The following AK6 variants were observed in gnomAD, a reference collection of about 807,000 sequenced individuals.
The protein encoded by AK6 is adenylate kinase 6.
Under a neutral mutation model 23.7 loss-of-function variants are expected in AK6, and 24 were observed. That is an observed-to-expected ratio of 1.01 (90% confidence interval 0.73 to 1.43). AK6 has a LOEUF of 1.43. Ranked by LOEUF, AK6 falls within the 40% of genes most tolerant of loss-of-function variation. The pLI, the probability that AK6 is intolerant of heterozygous loss-of-function variation, is 0.00. For missense variants in AK6, 191 were observed against 199.1 expected, an observed-to-expected ratio of 0.96 and a Z score of 0.24; for synonymous variants, 73 against 69.8, an observed-to-expected ratio of 1.05 and a Z score of -0.23.
In AK6 at chr5:69,354,330, G is replaced by C. The variant is rs1762026957; in HGVS notation, c.326+1319C>G. ...TTTTCACTGCCTAAAAAAGATAAAA[G>C]TTTTAGGTTTAGCCCCAATTTAACT... On this transcript the variant is annotated intron_variant, in intron 4 of 4. Transcript: ENST00000380822. 3.9e-5 allele frequency among the ~76,000 whole-genome samples: 6 copies of C among 152,004 alleles called. No individual in the cohort carries two copies. The South Asian group carries it at 1.2e-3, about 32-fold the overall frequency.
At chr5:69,366,666 T>C (rs1762439830) in intron 1 of AK6, 71 bp from the exon 2 acceptor site, 1 of 1,118,134 alleles carries the variant, frequency 8.9e-7, no homozygotes, top group Non-Finnish European at 1.4e-6. Flanking sequence ...ACCTTCTGCC[T>C]TTCCTTTTAT....
chr5:69,365,204 A>G (rs772321332), intron 2 of AK6: 1 of 1,614,190 alleles, frequency 6.2e-7, no homozygotes, highest in South Asian at 1.1e-5. Flanking sequence ...GGGACATGGG[A>G]GTCCCTACTT....
chr5:69,366,370 T>A (rs1762425418), intron 2 of AK6, 133 bp downstream of exon 2: 1 of 662,348 alleles, frequency 1.5e-6, no homozygotes, highest in South Asian at 2.0e-5. Flanking sequence ...TTCTGTGGAT[T>A]CCCTAACAGA....
At chr5:69,364,997 T>C (rs1486443900) in intron 2 of AK6, 2 of 1,613,836 alleles carry the variant, frequency 1.2e-6, no homozygotes, top group Non-Finnish European at 1.7e-6. Flanking sequence ...CATCTTCACG[T>C]TTTCTTTTCA....
At chr5:69,356,821 G>C (rs948503436) in intron 2 of AK6, among the ~76,000 whole-genome samples, 1 of 152,134 alleles carries the variant, frequency 6.6e-6, no homozygotes, top group Non-Finnish European at 1.5e-5. Flanking sequence ...CCTCATAAGA[G>C]TTAAATAGTC....
intron 4 of AK6, among the ~76,000 whole-genome samples, chr5:69,355,299 T>G (rs1762053286): frequency 6.6e-6 from 1 of 152,104 alleles, no homozygotes; most frequent in Admixed American, 6.6e-5. Flanking sequence ...TTTGGGAGGC[T>G]GAGGTGGGCA....
rs750248676 is a variant in AK6 at position 69,366,549 on chromosome 5, T to C, written c.75A>G (p.Ser25=). ...CATTAATGTATTTCAGTCCTGATTTTGACGCAAGTTCTTTGCCTAGTGTGG... is the reference window on the plus strand; with the variant it reads ...CATTAATGTATTTCAGTCCTGATTTCGACGCAAGTTCTTTGCCTAGTGTGG... ...GKTTLGKELA[S]KSGLKYINVG... is the part of the protein sequence containing the mutation. The change falls in exon 2 of 5, where the codon TCA becomes TCG. Residue 25 remains serine, a synonymous_variant. Coordinates refer to ENST00000380822, the MANE Select transcript of AK6 (RefSeq NM_016283.5). 2.5e-6 allele frequency: 4 copies of C among 1,614,146 alleles called. No homozygotes were observed. Among genetic ancestry groups the C allele is most frequent in the Admixed American group, 1.7e-5 (1 of 60,024 alleles).
chr5:69,354,472 G>A (rs974730390), intron 4 of AK6, among the ~76,000 whole-genome samples: 1 of 152,150 alleles, frequency 6.6e-6, no homozygotes, highest in Non-Finnish European at 1.5e-5. Flanking sequence ...TTCTGACCCC[G>A]ACCTTAAGCA....
Position 69,355,925 on chromosome 5 carries a change from C to A in AK6, c.150G>T (p.Glu50Asp). ...EEQLYDGYDE[E>D]YDCPILDEDR... The stretch of plus-strand genomic sequence containing the variant: ...CTTCATCTAAAATGGGACAGTCATA[C>A]TCTTCATCATAGCCATCATACAATT... Residue 50 changes from glutamate (E) to aspartate (D), a missense_variant, in exon 3 of 5, where the codon GAG (glutamate) becomes GAT (aspartate). Glu to Asp is a conservative substitution (Grantham distance 45). Transcript: ENST00000380822. The A allele has an allele frequency of 6.2e-7, 1 of 1,609,712 alleles. No individual in the cohort carries two copies. The highest frequency in any genetic ancestry group is 1.1e-5 in the South Asian group (1 of 89,698).
At position 69,368,169 on chromosome 5, in the gene AK6, AC is replaced by A. The variant is rs567373953; in HGVS notation, c.28+1293del. The stretch of plus-strand genomic sequence containing the variant: ...TTTGCATGTAAATGTACATATATGT[AC>A]ATACTCTTTGTTATATAAATACAAC... On this transcript the variant is annotated intron_variant, in intron 1 of 4. Coordinates refer to ENST00000380822, the MANE Select transcript of AK6 (RefSeq NM_016283.5). Among the ~76,000 whole-genome samples, 390 of 152,278 alleles carry A rather than the reference AC, an allele frequency of 2.6e-3. 1 individual carries two copies. The highest frequency in any genetic ancestry group is 2.7e-3 in the Non-Finnish European group (183 of 68,030).
intron 4 of AK6, among the ~76,000 whole-genome samples, chr5:69,354,078 C>A (rs560914281): frequency 2.0e-5 from 3 of 152,128 alleles, no homozygotes; most frequent in Non-Finnish European, 4.4e-5. Context: ...CTGCCTCCCC[C>A]TCACCACCCA....
chr5:69,358,604 G>A (rs181592488), intron 2 of AK6, among the ~76,000 whole-genome samples: 4 of 150,828 alleles, frequency 2.7e-5, no homozygotes, highest in Admixed American at 2.0e-4. Flanking sequence ...TAGGATTGAA[G>A]TCTTTATTTT....
chr5:69,362,480 G>C (rs1762266060), intron 2 of AK6, among the ~76,000 whole-genome samples: 1 of 152,188 alleles, frequency 6.6e-6, no homozygotes, highest in Non-Finnish European at 1.5e-5. Flanking sequence ...AATCTGGTAT[G>C]TCAAACCTTA....
chr5:69,369,678 C>G (rs1762793125), upstream of AK6: 1 of 1,555,594 alleles, frequency 6.4e-7, no homozygotes, highest in Non-Finnish European at 8.7e-7. Flanking sequence ...TGACACATTT[C>G]CGTCGCAAAG....
chr5:69,355,761 C>G lies in AK6; in HGVS notation c.214G>C (p.Gly72Arg), dbSNP rs1470368585. Reference sequence around the variant, plus strand: ...CCATGGTAATCAACAATAACTCCACCTTCTCTCATTTGGTTATCTAACTCA... The same window carrying G: ...CCATGGTAATCAACAATAACTCCACGTTCTCTCATTTGGTTATCTAACTCA... ...VDELDNQMRE[G>R]GVIVDYHGCD... The change falls in exon 4 of 5, where the codon GGT (glycine) becomes CGT (arginine). Residue 72 changes from glycine (G) to arginine (R), a missense_variant. Physicochemically the swap from Gly to Arg is moderately radical, Grantham distance 125. Transcript: ENST00000380822. 1.2e-6 allele frequency: 2 copies of G among 1,612,388 alleles called. No individual in the cohort carries two copies. The highest frequency in any genetic ancestry group is 1.3e-5 in the African/African-American group (1 of 74,860).
Position 69,369,458 on chromosome 5 carries a change from C to G in AK6, c.28+5G>C, listed in dbSNP as rs577414408. 9 of 1,610,596 alleles carry G rather than the reference C, an allele frequency of 5.6e-6. No homozygotes were observed. In the South Asian group the frequency reaches 9.9e-5, roughly 18 times the overall value. ...GCCCAGTCCCTCCCGGCCGCGCGCC[C>G]TGACCGGTGAGCAGGATGTTCGGAA... On this transcript the variant is annotated splice_donor_5th_base_variant and intron_variant, in intron 1 of 4. Transcript: ENST00000380822.
At position 69,351,412 on chromosome 5, in the gene AK6, T is replaced by G. The variant is rs1198304162; in HGVS notation, c.*649A>C. On this transcript the variant is annotated 3_prime_UTR_variant, in exon 5 of 5. Coordinates refer to ENST00000380822, the MANE Select transcript of AK6 (RefSeq NM_016283.5). ...AAAAAAAGAACAGGGAGGTCTGTAC[T>G]GAGATGATATAATCTTCAAATATAG... The G allele has an allele frequency of 1.3e-5, 2 of 152,222 alleles. No individual in the cohort carries two copies. Among genetic ancestry groups the G allele is most frequent in the African/African-American group, 4.8e-5 (2 of 41,456 alleles). 9.4% of individuals were successfully genotyped at this position (152,222 alleles called of 1,614,324 possible).
rs1348491695 is a variant in AK6 at position 69,352,270 on chromosome 5, T to C, written c.327-17A>G. On this transcript the variant is annotated splice_polypyrimidine_tract_variant and intron_variant, in intron 4 of 4. Transcript: ENST00000380822. ...TTATAACCCCTAGAAGGCAGGGAGG[T>C]TAAGCAAACAAGAAGCAAAATAAAT... is the stretch of plus-strand genomic sequence containing the variant. The C allele has an allele frequency of 1.9e-6, 3 of 1,588,590 alleles. No individual in the cohort carries two copies. Among genetic ancestry groups the C allele is most frequent in the Middle Eastern group, 3.4e-4 (2 of 5,966 alleles).
At chr5:69,356,805 G>A (rs908550814) in intron 2 of AK6, among the ~76,000 whole-genome samples, 1 of 152,158 alleles carries the variant, frequency 6.6e-6, no homozygotes, top group Admixed American at 6.5e-5. Context: ...ATTCCAAACT[G>A]CCGTTCCTCA....
Sources: gnomAD v4.1 joint callset for allele counts (sites outside exome capture counted in the v4.1 genomes callset) on GRCh38, gnomAD v4.1.1 for gene constraint, MANE v1.5 for transcripts, NCBI Gene and HGNC (gene_info 2026-07-23, HGNC 2026-07-21) for gene names.